CCDC7: variants seen among roughly 807,000 people sequenced by gnomAD.
The protein encoded by CCDC7 is coiled-coil domain-containing protein 7.
In CCDC7, 183 loss-of-function variants were observed where a neutral mutation model predicts 196.9. The ratio of observed to expected loss-of-function variants is 0.93; its 90% confidence interval spans 0.82 to 1.05. CCDC7 has a LOEUF of 1.05. Ranked by LOEUF, CCDC7 falls within the 50% of genes least tolerant of loss-of-function variation. CCDC7 has a pLI of 0.00. For missense variants in CCDC7, 1,540 were observed against 1,482.2 expected (o/e 1.04, Z -0.64); for synonymous variants, 525 against 484.6 (o/e 1.08, Z -1.10).
chr10:32,874,138 T>C (rs893725055), intron 41 of CCDC7, among the ~76,000 whole-genome samples: 2 of 149,378 alleles, frequency 1.3e-5, no homozygotes, highest in African/African-American at 4.9e-5. Flanking sequence ...GTCATATATA[T>C]ATATTTTTAT....
chr10:32,564,316 A>G (rs1425903825), intron 13 of CCDC7, among the ~76,000 whole-genome samples: 1 of 152,168 alleles, frequency 6.6e-6, no homozygotes, highest in African/African-American at 2.4e-5. Flanking sequence ...TATCCAAAGG[A>G]CTATAAATCA....
At chr10:32,507,606 A>G (rs1314886548) in intron 9 of CCDC7, among the ~76,000 whole-genome samples, 4 of 152,120 alleles carry the variant, frequency 2.6e-5, no homozygotes, top group Admixed American at 6.5e-5. Flanking sequence ...ACCTGCCACT[A>G]TGCCTGGCTA....
intron 24 of CCDC7, 49 bp downstream of exon 25, chr10:32,695,041 T>C (rs2077535808): frequency 2.0e-6 from 2 of 985,926 alleles, no homozygotes; most frequent in Non-Finnish European, 2.9e-6. Context: ...GTTAATCTCA[T>C]TAGATCATTT....
chr10:32,581,164 A>G (rs1231848802), intron 16 of CCDC7, among the ~76,000 whole-genome samples: 1 of 152,174 alleles, frequency 6.6e-6, no homozygotes, highest in African/African-American at 2.4e-5. Context: ...ATGCTTATAT[A>G]AAAGCTGCTA....
chr10:32,818,844 A>G (rs2135525558), intron 31 of CCDC7, among the ~76,000 whole-genome samples: 1 of 152,236 alleles, frequency 6.6e-6, no homozygotes, highest in African/African-American at 2.4e-5. Context: ...TAGCACTAAT[A>G]CCCACAAGAG....
intron 32 of CCDC7, among the ~76,000 whole-genome samples, chr10:32,825,463 T>C (rs1440171841): frequency 6.6e-6 from 1 of 152,218 alleles, no homozygotes; most frequent in Non-Finnish European, 1.5e-5. Flanking sequence ...CTTTCTCCTG[T>C]GCTGGATGCT....
intron 20 of CCDC7, among the ~76,000 whole-genome samples, chr10:32,642,525 A>C (rs2067016765): frequency 6.6e-6 from 1 of 151,966 alleles, no homozygotes; most frequent in Non-Finnish European, 1.5e-5. Flanking sequence ...GGAATGACCC[A>C]ATTTTCCAGG....
chr10:32,793,914 A>G (rs1028801575), intron 29 of CCDC7, among the ~76,000 whole-genome samples: 10 of 152,326 alleles, frequency 6.6e-5, no homozygotes, highest in Non-Finnish European at 1.2e-4. Flanking sequence ...TCTAAATGTC[A>G]GTTAGGCCTG....
chr10:32,444,015 T>A (rs1343321460), upstream of CCDC7, among the ~76,000 whole-genome samples: 1 of 152,228 alleles, frequency 6.6e-6, no homozygotes, highest in Non-Finnish European at 1.5e-5. Flanking sequence ...ATTGTAGATG[T>A]CTGGAAATTG....
intron 28 of CCDC7, among the ~76,000 whole-genome samples, chr10:32,748,009 A>G (rs1369097055): frequency 6.6e-6 from 1 of 152,246 alleles, no homozygotes; most frequent in Non-Finnish European, 1.5e-5. Context: ...TGGTACATAT[A>G]TATCATAGAA....
chr10:32,587,772 G>T (rs1226573268), intron 18 of CCDC7, among the ~76,000 whole-genome samples: 2 of 151,984 alleles, frequency 1.3e-5, no homozygotes, highest in Admixed American at 6.6e-5. Flanking sequence ...TAATTTCTCT[G>T]ACTGGATCTT....
intron 20 of CCDC7, among the ~76,000 whole-genome samples, chr10:32,640,010 A>T (rs530099179): frequency 6.6e-6 from 1 of 152,214 alleles, no homozygotes; most frequent in Admixed American, 6.5e-5. Context: ...AGAAGAATGT[A>T]TATTCTGTTG....
At chr10:32,723,102 G>C (rs12219179) in intron 25 of CCDC7, among the ~76,000 whole-genome samples, 13,424 of 152,074 alleles carry the variant, frequency 0.088, 860 homozygotes, top group East Asian at 0.33. Context: ...ACCCTGTAGG[G>C]CCCCATGGCT....
At chr10:32,813,706 T>A (rs983032766) in intron 30 of CCDC7, among the ~76,000 whole-genome samples, 15 of 152,208 alleles carry the variant, frequency 9.9e-5, no homozygotes, top group African/African-American at 3.6e-4. Context: ...ATAATGTCCC[T>A]AGGATGATTT....
At chr10:32,448,655 A>G (rs1249817583), upstream of CCDC7, among the ~76,000 whole-genome samples, 5 of 151,928 alleles carry the variant, frequency 3.3e-5, no homozygotes, top group Non-Finnish European at 7.4e-5. Context: ...AACTTTTGCC[A>G]TGGTTTCTGG....
At chr10:32,762,162 T>C (rs2077563127) in intron 28 of CCDC7, among the ~76,000 whole-genome samples, 1 of 151,936 alleles carries the variant, frequency 6.6e-6, no homozygotes, top group Non-Finnish European at 1.5e-5. Context: ...CATATAGTGT[T>C]CCGCAACATT....
chr10:32,528,309 T>C (rs1222387921), intron 11 of CCDC7, among the ~76,000 whole-genome samples: 1 of 152,058 alleles, frequency 6.6e-6, no homozygotes, highest in Non-Finnish European at 1.5e-5. Flanking sequence ...TTTGGTTACA[T>C]GAATAGGTTC....
chr10:32,856,905 C>T (rs1367469349), intron 41 of CCDC7, among the ~76,000 whole-genome samples: 1 of 151,664 alleles, frequency 6.6e-6, no homozygotes, highest in East Asian at 1.9e-4. Context: ...GCTGCATCAC[C>T]CATACCTAAA....
At chr10:32,565,255 C>G (rs1422111376) in intron 13 of CCDC7, among the ~76,000 whole-genome samples, 1 of 152,152 alleles carries the variant, frequency 6.6e-6, no homozygotes, top group African/African-American at 2.4e-5. Context: ...AGAGGTTCTT[C>G]TTTTAGTAAA....
Sources: allele counts gnomAD v4.1 joint callset (sites outside exome capture counted in the v4.1 genomes callset), GRCh38; gene constraint gnomAD v4.1.1; transcripts MANE v1.5; gene names NCBI Gene and HGNC (gene_info 2026-07-23, HGNC 2026-07-21).